The following GRID2 variants were observed in gnomAD, a reference collection of about 807,000 sequenced individuals.
GRID2 encodes glutamate ionotropic receptor delta type subunit 2.
Under a neutral mutation model 114.8 loss-of-function variants are expected in GRID2, and 33 were observed. That is an observed-to-expected ratio of 0.29 (90% confidence interval 0.22 to 0.38). The LOEUF (loss-of-function observed/expected upper bound fraction) is 0.38, where lower values mean the gene tolerates loss of function less well. Ranked by LOEUF, GRID2 falls within the 10% of genes least tolerant of loss-of-function variation. The pLI, the probability that GRID2 is intolerant of heterozygous loss-of-function variation, is 1.00. For synonymous variants in GRID2, 505 were observed against 449.9 expected (o/e 1.12, Z -1.55); for missense variants, 1,184 against 1,257.7 (o/e 0.94, Z 0.89).
chr4:93,410,560 T>A (rs1249886949), intron 9 of GRID2, among the ~76,000 whole-genome samples: 1 of 152,198 alleles, frequency 6.6e-6, no homozygotes, highest in Non-Finnish European at 1.5e-5. Context: ...CATCTTCTGA[T>A]TCTGACCTCT....
intron 5 of GRID2, among the ~76,000 whole-genome samples, chr4:93,210,615 G>A (rs772382818): frequency 6.6e-6 from 1 of 151,976 alleles, no homozygotes; most frequent in Non-Finnish European, 1.5e-5. Context: ...TTTTGACCAT[G>A]AGAACAACAT....
In GRID2 at chr4:93,110,736, T is replaced by C; in HGVS notation, c.530-12T>C. ...ATTCACAGGTATTTTGATGGGCTTT[T>C]GATGTTTCCAGATATCCGTGGAATA... On this transcript the variant is annotated splice_polypyrimidine_tract_variant and intron_variant, in intron 3 of 15. Transcript: ENST00000282020. 1 of 1,573,266 alleles carries C rather than the reference T, an allele frequency of 6.4e-7. No homozygotes were observed. Among genetic ancestry groups the C allele is most frequent in the Non-Finnish European group, 8.8e-7 (1 of 1,142,652 alleles).
intron 14 of GRID2, among the ~76,000 whole-genome samples, chr4:93,637,812 A>G (rs951355236): frequency 4.6e-5 from 7 of 152,116 alleles, no homozygotes; most frequent in African/African-American, 1.7e-4. Context: ...CCTTCATGGA[A>G]GTTTTAATTC....
intron 2 of GRID2, among the ~76,000 whole-genome samples, chr4:92,989,339 T>C (rs1754722667): frequency 6.6e-6 from 1 of 151,004 alleles, no homozygotes; most frequent in Non-Finnish European, 1.5e-5. Context: ...TATATGTGTG[T>C]GCATGTTTAT....
At chr4:93,332,211 G>A (rs559625397) in intron 8 of GRID2, among the ~76,000 whole-genome samples, 1 of 151,470 alleles carries the variant, frequency 6.6e-6, no homozygotes, top group South Asian at 2.1e-4. Context: ...AAGACAATTA[G>A]GCCCACTCAA....
intron 2 of GRID2, among the ~76,000 whole-genome samples, chr4:93,036,017 A>AT (rs1439131874): frequency 1.3e-5 from 2 of 152,070 alleles, no homozygotes; most frequent in Non-Finnish European, 2.9e-5. Flanking sequence ...TTAAAAGTTG[A>AT]TTCTTTGCCT....
intron 4 of GRID2, among the ~76,000 whole-genome samples, chr4:93,190,413 C>A (rs950595627): frequency 5.3e-5 from 8 of 152,136 alleles, no homozygotes; most frequent in African/African-American, 1.9e-4. Flanking sequence ...GTCTTTTCAA[C>A]TTCATTCAGA....
intron 8 of GRID2, among the ~76,000 whole-genome samples, chr4:93,261,065 G>A (rs927935160): frequency 1.1e-4 from 17 of 151,732 alleles, no homozygotes; most frequent in African/African-American, 4.1e-4. Context: ...AGGGTTAGAT[G>A]TGCATGATAT....
At chr4:93,088,834 A>G (rs930004559) in intron 3 of GRID2, among the ~76,000 whole-genome samples, 2 of 152,082 alleles carry the variant, frequency 1.3e-5, no homozygotes, top group East Asian at 1.9e-4. Flanking sequence ...TTCACAAAAA[A>G]CATAACTAGG....
intron 1 of GRID2, among the ~76,000 whole-genome samples, chr4:92,394,536 T>C (rs1730399867): frequency 6.6e-6 from 1 of 151,996 alleles, no homozygotes; most frequent in Admixed American, 6.6e-5. Flanking sequence ...CATTCTCTAC[T>C]TATATTTTAA....
Position 92,486,549 on chromosome 4 carries a change from A to T in GRID2, c.89-103582A>T, listed in dbSNP as rs865919648. On this transcript the variant is annotated intron_variant, in intron 1 of 15. Coordinates refer to ENST00000282020, the MANE Select transcript of GRID2 (RefSeq NM_001510.4). ...AGCCTTATAAATCTCTCTCTCTTTC[A>T]CACACACACACACACACACACACAC... is the stretch of plus-strand genomic sequence containing the variant. Among the ~76,000 whole-genome samples, 10 of 58,374 alleles carry T rather than the reference A, an allele frequency of 1.7e-4. No individual in the cohort carries two copies. The East Asian group carries it at 2.6e-3, about 15-fold the overall frequency. 38.3% of individuals were successfully genotyped at this position (58,374 alleles called of 152,430 possible).
intron 2 of GRID2, among the ~76,000 whole-genome samples, chr4:92,749,310 CTTTTT>C (rs68069370): frequency 2.8e-5 from 2 of 72,006 alleles, no homozygotes; most frequent in African/African-American, 6.6e-5. Context: ...TGATTTGTAG[CTTTTT>C]TTTTTTTTTT....
At chr4:92,646,231 ATCT>A (rs1474554321) in intron 2 of GRID2, among the ~76,000 whole-genome samples, 1 of 152,164 alleles carries the variant, frequency 6.6e-6, no homozygotes, top group African/African-American at 2.4e-5. Context: ...CCACTCAGCT[ATCT>A]TCTTTTATAA....
At chr4:92,920,272 G>A (rs1466464905) in intron 2 of GRID2, among the ~76,000 whole-genome samples, 2 of 152,146 alleles carry the variant, frequency 1.3e-5, no homozygotes, top group Non-Finnish European at 2.9e-5. Context: ...CCTGAATACA[G>A]CACACTGATG....
chr4:93,558,167 A>G lies in GRID2; in HGVS notation c.2193+42756A>G, dbSNP rs1734506579. On this transcript the variant is annotated intron_variant, in intron 13 of 15. Coordinates refer to ENST00000282020, the MANE Select transcript of GRID2 (RefSeq NM_001510.4). The stretch of plus-strand genomic sequence containing the variant: ...TCTAAAATCGACGCCCTAACAATGA[A>G]ATTAAAAGAACTAGAGAGGCAAGAG... Among the ~76,000 whole-genome samples, 3 of 152,172 alleles carry G rather than the reference A, an allele frequency of 2.0e-5. No homozygotes were observed. The South Asian group carries it at 6.2e-4, about 31-fold the overall frequency.
intron 1 of GRID2, among the ~76,000 whole-genome samples, chr4:92,549,040 A>G (rs1378013646): frequency 1.3e-5 from 2 of 151,962 alleles, no homozygotes; most frequent in Non-Finnish European, 2.9e-5. Context: ...CATGTATCCA[A>G]AACATGTTAC....
At chr4:93,162,595 A>T (rs1737789937) in intron 4 of GRID2, among the ~76,000 whole-genome samples, 1 of 151,968 alleles carries the variant, frequency 6.6e-6, no homozygotes, top group Non-Finnish European at 1.5e-5. Flanking sequence ...CCCATAATTT[A>T]TCATTATACA....
At chr4:93,059,678 C>T (rs888147617) in intron 2 of GRID2, among the ~76,000 whole-genome samples, 8 of 151,868 alleles carry the variant, frequency 5.3e-5, no homozygotes, top group South Asian at 2.1e-4. Context: ...ATTAGTTTAA[C>T]GTTTTTCTGT....
chr4:92,653,159 G>A (rs947112326), intron 2 of GRID2, among the ~76,000 whole-genome samples: 2 of 149,744 alleles, frequency 1.3e-5, no homozygotes, highest in Non-Finnish European at 3.0e-5. Flanking sequence ...CACCACACCC[G>A]GCTAATTTTT....
Sources: gnomAD v4.1 joint callset for allele counts (sites outside exome capture counted in the v4.1 genomes callset) on GRCh38, gnomAD v4.1.1 for gene constraint, MANE v1.5 for transcripts, NCBI Gene and HGNC (gene_info 2026-07-23, HGNC 2026-07-21) for gene names.